Variants in MUC7 observed in about 807,000 individuals in gnomAD.
MUC7 encodes mucin-7.
A neutral mutation model predicts 2.5 loss-of-function variants in MUC7; 2 were observed. That is an observed-to-expected ratio of 0.81 (90% CI 0.33 to 2.55). MUC7 has a LOEUF of 2.55. MUC7 is among the 30% of genes most tolerant of loss of function. MUC7 has a pLI of 0.11. For synonymous variants in MUC7, 133 were observed against 173.4 expected, an observed-to-expected ratio of 0.77 and a Z score of 1.83; for missense variants, 408 against 455.6, an observed-to-expected ratio of 0.90 and a Z score of 0.95.
chr4:70,471,507 G>C (rs891080161), upstream of MUC7, among the ~76,000 whole-genome samples: 2 of 152,282 alleles, frequency 1.3e-5, no homozygotes, highest in African/African-American at 4.8e-5. Flanking sequence ...GAGAAATGCT[G>C]AAATAGAGAG....
At chr4:70,455,558 T>C (rs1371089520) in intron 1 of MUC7, among the ~76,000 whole-genome samples, 1 of 152,164 alleles carries the variant, frequency 6.6e-6, no homozygotes, top group Non-Finnish European at 1.5e-5. Flanking sequence ...TTGAGTGCCT[T>C]ATGGACATTA....
At chr4:70,444,146 G>C (rs1223897178) in intron 1 of MUC7, among the ~76,000 whole-genome samples, 2 of 152,138 alleles carry the variant, frequency 1.3e-5, no homozygotes, top group Non-Finnish European at 2.9e-5. Context: ...TGAGGCTATA[G>C]CTACCTTATC....
chr4:70,464,129 G>T (rs1012913881), intron 1 of MUC7, among the ~76,000 whole-genome samples: 2 of 152,204 alleles, frequency 1.3e-5, no homozygotes, highest in Non-Finnish European at 2.9e-5. Context: ...GCGTCACCTT[G>T]CTGGGAAGTG....
chr4:70,460,606 C>A (rs35299468), intron 1 of MUC7, among the ~76,000 whole-genome samples: 2 of 151,632 alleles, frequency 1.3e-5, no homozygotes, highest in Admixed American at 6.6e-5. Context: ...CTGAAAAGCA[C>A]ACACTTTGGT....
chr4:70,450,840 C>G (rs1253086163), intron 1 of MUC7, among the ~76,000 whole-genome samples: 1 of 152,078 alleles, frequency 6.6e-6, no homozygotes, highest in African/African-American at 2.4e-5. Flanking sequence ...AAAGTCCTCC[C>G]CACCCTTCCC....
intron 1 of MUC7, among the ~76,000 whole-genome samples, chr4:70,450,229 C>T (rs144894876): frequency 1.0e-3 from 156 of 152,336 alleles, no homozygotes; most frequent in Non-Finnish European, 1.6e-3. Flanking sequence ...CCCATAGCCA[C>T]TGCCACCCCA....
Position 70,482,384 on chromosome 4 carries a change from A to G in MUC7, c.*506A>G, listed in dbSNP as rs1398412381. 1 of 152,906 alleles carries G rather than the reference A, an allele frequency of 6.5e-6. No homozygotes were observed. Among genetic ancestry groups the G allele is most frequent in the Non-Finnish European group, 1.5e-5 (1 of 68,562 alleles). The allele number at this position is 152,906 out of a possible 1,614,324, so 9.5% of individuals were successfully genotyped here. A position where few individuals can be genotyped will look rare whatever the true frequency, so the allele number is the denominator to read the frequency against. ...AGACCTGTCATTGTATTGATTAATG[A>G]CAAAACCCTTTAGATAATTATCTTC... On this transcript the variant is annotated 3_prime_UTR_variant, in exon 3 of 3. Coordinates refer to ENST00000304887, the MANE Select transcript of MUC7 (RefSeq NM_152291.3).
At position 70,438,431 on chromosome 4, in the gene MUC7, T is replaced by C. The variant is rs889213998; in HGVS notation, c.-93+7744T>C. Among the ~76,000 whole-genome samples the C allele has an allele frequency of 1.7e-4, 22 of 127,182 alleles. 1 individual carries two copies. The East Asian group carries it at 2.5e-3, about 14-fold the overall frequency. The allele number at this position is 127,182 out of a possible 152,430, so 83.4% of individuals were successfully genotyped here. ...AAACTTAACACTTCAGGAAATGAAG[T>C]TTTGTTTTGTTTTGTTTTGTTTTGT... On this transcript the variant is annotated intron_variant, in intron 1 of 3. Transcript: ENST00000413702.
At chr4:70,475,829 G>C (rs1017169888) in intron 2 of MUC7, among the ~76,000 whole-genome samples, 4 of 152,198 alleles carry the variant, frequency 2.6e-5, no homozygotes, top group Non-Finnish European at 4.4e-5. Flanking sequence ...AGTAGAGAGA[G>C]AGAGGGCAGA....
chr4:70,477,719 C>T (rs1319707847), intron 2 of MUC7, among the ~76,000 whole-genome samples: 1 of 152,078 alleles, frequency 6.6e-6, no homozygotes, highest in Admixed American at 6.5e-5. Context: ...TCAGTTTTCC[C>T]ATCCATATAA....
At chr4:70,467,485 A>G (rs1050391014), upstream of MUC7, among the ~76,000 whole-genome samples, 2 of 152,202 alleles carry the variant, frequency 1.3e-5, no homozygotes, top group Admixed American at 1.3e-4. Context: ...GTTTTTTGAA[A>G]AGATTAACAA....
chr4:70,433,055 T>C (rs1733723747), intron 1 of MUC7, among the ~76,000 whole-genome samples: 1 of 152,208 alleles, frequency 6.6e-6, no homozygotes, highest in South Asian at 2.1e-4. Context: ...TATGGTATTA[T>C]TTCTGAAGGC....
At chr4:70,467,766 T>C (rs1034903105), upstream of MUC7, among the ~76,000 whole-genome samples, 1 of 152,086 alleles carries the variant, frequency 6.6e-6, no homozygotes, top group African/African-American at 2.4e-5. Flanking sequence ...AGGCAGTAAT[T>C]AATAGTCTAC....
intron 1 of MUC7, among the ~76,000 whole-genome samples, chr4:70,434,404 A>T (rs1192764919): frequency 2.0e-5 from 3 of 152,260 alleles, no homozygotes; most frequent in South Asian, 2.1e-4. Context: ...AGAACTTGTT[A>T]TTGGTCTATT....
rs968055616 is a variant in MUC7, at chr4:70,482,879, A to G, written c.*1001A>G. 28 of 152,378 alleles carry G rather than the reference A, an allele frequency of 1.8e-4. No homozygotes were observed. The highest frequency in any genetic ancestry group is 6.7e-4 in the African/African-American group (28 of 41,606). The allele number at this position is 152,378 out of a possible 1,614,324, so 9.4% of individuals were successfully genotyped here. A position where few individuals can be genotyped will look rare whatever the true frequency, so the allele number is the denominator to read the frequency against. Reference sequence around the variant, plus strand: ...AAACAATAAAAGTTAGCTACTTGGTATACGGAGATGTTAATTTGGGATATG... The same window carrying G: ...AAACAATAAAAGTTAGCTACTTGGTGTACGGAGATGTTAATTTGGGATATG... On this transcript the variant is annotated 3_prime_UTR_variant, in exon 3 of 3. Transcript: ENST00000304887.
intron 1 of MUC7, among the ~76,000 whole-genome samples, chr4:70,466,611 C>A (rs1734690640): frequency 6.6e-6 from 1 of 151,794 alleles, no homozygotes; most frequent in South Asian, 2.1e-4. Flanking sequence ...AGGTTGCAAT[C>A]CTAGTCTCTG....
chr4:70,432,357 C>T (rs989102606), intron 1 of MUC7, among the ~76,000 whole-genome samples: 2 of 152,196 alleles, frequency 1.3e-5, no homozygotes, highest in African/African-American at 4.8e-5. Context: ...AGTTTACAGT[C>T]CCACCAACAG....
chr4:70,433,379 A>C (rs958454034), intron 1 of MUC7, among the ~76,000 whole-genome samples: 1 of 152,068 alleles, frequency 6.6e-6, no homozygotes, highest in African/African-American at 2.4e-5. Flanking sequence ...AATTTCTTCC[A>C]TTTGTTTGTG....
upstream of MUC7, chr4:70,472,139 C>G (rs1283168325): frequency 6.6e-6 from 1 of 152,134 alleles, no homozygotes; most frequent in Non-Finnish European, 1.5e-5. Context: ...TAATAGATTT[C>G]CTATTTCCAA....
Sources: gnomAD v4.1 joint callset for allele counts (sites outside exome capture counted in the v4.1 genomes callset) on GRCh38, gnomAD v4.1.1 for gene constraint, MANE v1.5 for transcripts, NCBI Gene and HGNC (gene_info 2026-07-23, HGNC 2026-07-21) for gene names.